Variants in CDC42BPG observed in about 807,000 individuals in gnomAD.
CDC42BPG encodes CDC42 binding protein kinase gamma, also known as serine/threonine-protein kinase MRCK gamma.
CDC42BPG carries 157 observed loss-of-function variants against 192.2 expected under a neutral mutation model. The observed-to-expected ratio is 0.82, with a 90% CI of 0.72 to 0.93. CDC42BPG has a LOEUF of 0.93. Ranked by LOEUF, CDC42BPG falls within the 40% of genes least tolerant of loss-of-function variation. CDC42BPG has a pLI of 0.00. For synonymous variants in CDC42BPG, 981 were observed against 918.5 expected (o/e 1.07, Z -1.23); for missense variants, 1,992 against 2,122.1 (o/e 0.94, Z 1.20).
At chr11:64,839,315 C>A in intron 6 of CDC42BPG, 82 bp from the exon 7 acceptor site, 1 of 1,565,660 alleles carries the variant, frequency 6.4e-7, no homozygotes, top group Non-Finnish European at 8.8e-7. Flanking sequence ...CCCTGTCACC[C>A]CTACTCTGCC....
chr11:64,824,403 G>A lies in CDC42BPG; in HGVS notation c.*70C>T. Reference sequence around the variant, plus strand: ...CATGTCCCGGACCAGCCGGAGTATGGCATTCCTCAAGCTCTTTGCTCCCTC... The same window carrying A: ...CATGTCCCGGACCAGCCGGAGTATGACATTCCTCAAGCTCTTTGCTCCCTC... On this transcript the variant is annotated 3_prime_UTR_variant, in exon 37 of 37. Transcript: ENST00000342711. 1 of 1,069,952 alleles carries A rather than the reference G, an allele frequency of 9.3e-7. No homozygotes were observed. The highest frequency in any genetic ancestry group is 1.5e-6 in the Non-Finnish European group (1 of 681,534). 66.3% of individuals were successfully genotyped at this position (1,069,952 alleles called of 1,614,324 possible).
chr11:64,836,716 G>GGGGGGGGGGGGGT, intron 11 of CDC42BPG, 23 bp downstream of exon 11: 1 of 869,300 alleles, frequency 1.2e-6, no homozygotes, highest in Non-Finnish European at 1.7e-6. Context: ...TGGGGGGGGG[G>GGGGGGGGGGGGGT]GGGGGGTGGG....
chr11:64,831,621 T>C lies in CDC42BPG; in HGVS notation c.3188A>G (p.Glu1063Gly). 6.2e-7 allele frequency: 1 copy of C among 1,611,802 alleles called. No homozygotes were observed. The highest frequency in any genetic ancestry group is 8.5e-7 in the Non-Finnish European group (1 of 1,179,822). The change falls in exon 28 of 37, where the codon GAG becomes GGG. Residue 1063 changes from glutamate (E) to glycine (G), a missense_variant. Transcript: ENST00000342711. ...ERERWLQVLG[E>G]LQRLLLDARP... is the part of the protein sequence containing the mutation. ...CGCGTCCAGCAGCAGCCGCTGCAGC[T>C]CACCCAGCACCTGCAGCCAGCGTTC...
intron 6 of CDC42BPG, 88 bp from the exon 7 acceptor site, chr11:64,839,321 C>G: frequency 1.3e-6 from 2 of 1,559,766 alleles, no homozygotes; most frequent in Middle Eastern, 1.8e-4. Flanking sequence ...CACCCCTACT[C>G]TGCCAGGCTG....
At chr11:64,827,939 G>A (rs1432690019) in intron 30 of CDC42BPG, among the ~76,000 whole-genome samples, 156 bp from the exon 31 acceptor site, 2 of 152,060 alleles carry the variant, frequency 1.3e-5, no homozygotes, top group Non-Finnish European at 2.9e-5. Flanking sequence ...TCAAATCAGA[G>A]ATAACCCTGG....
intron 18 of CDC42BPG, 110 bp from the exon 19 acceptor site, chr11:64,834,687 T>C: frequency 7.1e-7 from 1 of 1,414,180 alleles, no homozygotes; most frequent in South Asian, 1.4e-5. Context: ...GGCTCAAAGC[T>C]CCAGCTCAGC....
intron 34 of CDC42BPG, 60 bp from the exon 35 acceptor site, chr11:64,826,854 A>G (rs1179867324): frequency 6.9e-7 from 1 of 1,453,154 alleles, no homozygotes; most frequent in Non-Finnish European, 9.1e-7. Context: ...CAAGAGGCCC[A>G]AGGCACAACA....
At chr11:64,837,824 T>G (rs1943088030) in intron 9 of CDC42BPG, among the ~76,000 whole-genome samples, 1 of 152,190 alleles carries the variant, frequency 6.6e-6, no homozygotes, top group Non-Finnish European at 1.5e-5. Context: ...CTTCGAACCC[T>G]GCACCTCTGG....
chr11:64,827,265 C>T lies in CDC42BPG; in HGVS notation c.4271+13G>A. 2 of 1,613,402 alleles carry T rather than the reference C, an allele frequency of 1.2e-6. No homozygotes were observed. The highest frequency in any genetic ancestry group is 1.7e-6 in the Non-Finnish European group (2 of 1,179,690). The stretch of plus-strand genomic sequence containing the variant: ...CCCCACCCAGCCTCAGCCCCCGCGT[C>T]GTGCACGCGCACCTGCGCTGCTGCT... On this transcript the variant is annotated intron_variant, in intron 33 of 36. Coordinates refer to ENST00000342711, the MANE Select transcript of CDC42BPG (RefSeq NM_017525.3).
Position 64,838,804 on chromosome 11 carries a change from A to G in CDC42BPG, c.975T>C (p.Arg325=). The G allele has an allele frequency of 6.2e-7, 1 of 1,612,144 alleles. No individual in the cohort carries two copies. Among genetic ancestry groups the G allele is most frequent in the Non-Finnish European group, 8.5e-7 (1 of 1,179,940 alleles). ...GGTTCCGGAAGTCATCCAGCCCACC[A>G]CGGCCTAGCCGCTCTTCCTGGCGAC... The part of the protein sequence containing the change: ...LLCRQEERLG[R]GGLDDFRNHP... Residue 325 remains arginine, a synonymous_variant, in exon 8 of 37, where the codon CGT becomes CGC. Coordinates refer to ENST00000342711, the MANE Select transcript of CDC42BPG (RefSeq NM_017525.3).
In CDC42BPG at chr11:64,837,026, G is replaced by C; in HGVS notation, c.1206-7C>G. On this transcript the variant is annotated splice_region_variant and splice_polypyrimidine_tract_variant and intron_variant, in intron 9 of 36. Coordinates refer to ENST00000342711, the MANE Select transcript of CDC42BPG (RefSeq NM_017525.3). ...GCTGCTCTCAGGACTGTGACTGTAG[G>C]GGGACAGGGGCCATGTTTGTTGGTA... is the stretch of plus-strand genomic sequence containing the variant. The C allele has an allele frequency of 2.5e-6, 4 of 1,608,988 alleles. No individual in the cohort carries two copies. Among genetic ancestry groups the C allele is most frequent in the Non-Finnish European group, 3.4e-6 (4 of 1,175,866 alleles).
Position 64,830,012 on chromosome 11 carries a change from T to C in CDC42BPG, c.3426A>G (p.Ala1142=). ...GGCCACACAGCACGACCAGCAGGCC[T>C]GCACTGGGGCTCAAGGTCAGCTGCT... ...RVQQLTLSPS[A]GLLVVLCGRG... The change falls in exon 30 of 37, where the codon GCA becomes GCG. Residue 1142 remains alanine (A), a synonymous_variant. Coordinates refer to ENST00000342711, the MANE Select transcript of CDC42BPG (RefSeq NM_017525.3). The C allele has an allele frequency of 6.2e-7, 1 of 1,612,416 alleles. No homozygotes were observed. Among genetic ancestry groups the C allele is most frequent in the Non-Finnish European group, 8.5e-7 (1 of 1,179,358 alleles).
chr11:64,838,274 A>AG (rs897179766), intron 8 of CDC42BPG, 112 bp from the exon 9 acceptor site: 18 of 780,300 alleles, frequency 2.3e-5, no homozygotes, highest in East Asian at 2.7e-5. Flanking sequence ...GTGGGAACTC[A>AG]GGGGGGTAAC....
At position 64,836,762 on chromosome 11, in the gene CDC42BPG, T is replaced by C; in HGVS notation, c.1361A>G (p.Gln454Arg). The C allele has an allele frequency of 1.3e-6, 2 of 1,529,554 alleles. No homozygotes were observed. Among genetic ancestry groups the C allele is most frequent in the Non-Finnish European group, 8.8e-7 (1 of 1,138,420 alleles). The allele number at this position is 1,529,554 out of a possible 1,614,324, so 94.7% of individuals were successfully genotyped here. ...ACCTGGCAGCCTGTCCCGCAGAGTC[T>C]GCACTTCCTTCCGTAGCTGCTCCAG... ...RELEQLRKEV[Q>R]TLRDRLPEML... The change falls in exon 11 of 37, where the codon CAG becomes CGG. Residue 454 changes from glutamine (Q) to arginine (R), a missense_variant. Physicochemically the swap from Gln to Arg is conservative, Grantham distance 43. Around this residue, in one of 2 missense-constraint regions of CDC42BPG, gnomAD observed 1,656 missense variants for 1,844.3 expected, o/e 0.90. Transcript: ENST00000342711.
intron 18 of CDC42BPG, 38 bp from the exon 19 acceptor site, chr11:64,834,615 G>A: frequency 6.6e-7 from 1 of 1,506,170 alleles, no homozygotes. Flanking sequence ...ATGCTTTCTA[G>A]GCCTGGCTGC....
Position 64,826,553 on chromosome 11 carries a change from T to C in CDC42BPG, c.4516A>G (p.Lys1506Glu). The C allele has an allele frequency of 6.3e-7, 1 of 1,599,944 alleles. No homozygotes were observed. Among genetic ancestry groups the C allele is most frequent in the African/African-American group, 1.3e-5 (1 of 74,348 alleles). The change falls in exon 36 of 37, where the codon AAG (lysine) becomes GAG (glutamate). Residue 1506 changes from lysine (K) to glutamate (E), a missense_variant and splice_region_variant. Physicochemically the swap from Lys to Glu is moderately conservative, Grantham distance 56. Coordinates refer to ENST00000342711, the MANE Select transcript of CDC42BPG (RefSeq NM_017525.3). The stretch of plus-strand genomic sequence containing the variant: ...GACAGGGATGTCCAGGGTTTCCTCT[T>C]CACTGCTCCAGCAGCAGACGAGGAG... The part of the protein sequence containing the change: ...EGLGGDADPM[K>E]RKPWTSLSSE...
intron 28 of CDC42BPG, 118 bp from the exon 29 acceptor site, chr11:64,830,374 C>T (rs1182845185): frequency 1.2e-6 from 1 of 862,682 alleles, no homozygotes; most frequent in Non-Finnish European, 1.9e-6. Flanking sequence ...TGGCAATAAT[C>T]CCGCTGTCCC....
chr11:64,841,598 C>A, intron 3 of CDC42BPG, 52 bp downstream of exon 3: 11 of 1,491,586 alleles, frequency 7.4e-6, no homozygotes, highest in Middle Eastern at 4.0e-4. Context: ...GCATACACCT[C>A]CCCCACACCC....
chr11:64,826,771 A>G lies in CDC42BPG; in HGVS notation c.4413T>C (p.Val1471=). Residue 1471 remains valine, a synonymous_variant, in exon 35 of 37, where the codon GTT becomes GTC. Transcript: ENST00000342711. ...GCCGCTGTGGGCCGGAGCCGCGGGCAACTCGGCCCTTCTCTTCGGGAGCCT... is the reference window on the plus strand; with the variant it reads ...GCCGCTGTGGGCCGGAGCCGCGGGCGACTCGGCCCTTCTCTTCGGGAGCCT... ...KSPAPEEKGR[V]ARGSGPQRPH... The G allele has an allele frequency of 6.6e-7, 1 of 1,517,438 alleles. No individual in the cohort carries two copies. The highest frequency in any genetic ancestry group is 8.8e-7 in the Non-Finnish European group (1 of 1,134,462). The allele number at this position is 1,517,438 out of a possible 1,614,324, so 94.0% of individuals were successfully genotyped here. A position where few individuals can be genotyped will look rare whatever the true frequency, so the allele number is the denominator to read the frequency against.
Sources: allele counts gnomAD v4.1 joint callset (sites outside exome capture counted in the v4.1 genomes callset), GRCh38; gene constraint gnomAD v4.1.1; regional missense constraint gnomAD v4.1.1; transcripts MANE v1.5; gene names NCBI Gene and HGNC (gene_info 2026-07-23, HGNC 2026-07-21).